The following TCEA1 variants were observed in gnomAD, a reference collection of about 807,000 sequenced individuals.
The protein encoded by TCEA1 is transcription elongation factor A protein 1.
In TCEA1, 21 loss-of-function variants were observed where a neutral mutation model predicts 43.8. The observed-to-expected ratio is 0.48, with a 90% CI of 0.34 to 0.69. The LOEUF (loss-of-function observed/expected upper bound fraction) is 0.69, where lower values mean the gene tolerates loss of function less well. Among genes scored for constraint, TCEA1 ranks in the 30% least tolerant of loss-of-function variants. The probability of loss-of-function intolerance (pLI) is 0.01; values close to 1 mark genes in which losing one functional copy is unlikely to be tolerated. For missense variants in TCEA1, 250 were observed against 365.1 expected, an observed-to-expected ratio of 0.68 and a Z score of 2.57; for synonymous variants, 104 against 117.5, an observed-to-expected ratio of 0.88 and a Z score of 0.75.
chr8:53,975,398 A>G (rs1803299854), intron 8 of TCEA1, among the ~76,000 whole-genome samples: 1 of 152,210 alleles, frequency 6.6e-6, no homozygotes, highest in Non-Finnish European at 1.5e-5. Flanking sequence ...TGGGTACATA[A>G]CCAAAAGAAA....
intron 5 of TCEA1, 115 bp downstream of exon 5, chr8:53,987,999 G>T: frequency 7.8e-7 from 1 of 1,282,190 alleles, no homozygotes; most frequent in Non-Finnish European, 1.0e-6. Flanking sequence ...AAGCTAAGCA[G>T]CAGTGGGTGG....
At chr8:53,996,673 T>C (rs968880587) in intron 3 of TCEA1, among the ~76,000 whole-genome samples, 5 of 151,110 alleles carry the variant, frequency 3.3e-5, no homozygotes, top group Non-Finnish European at 1.5e-5. Flanking sequence ...GTCAACTGAA[T>C]AAATCATTCT....
intron 4 of TCEA1, among the ~76,000 whole-genome samples, chr8:53,988,788 T>C (rs12674671): frequency 0.38 from 58,177 of 152,010 alleles, 15,884 homozygotes; most frequent in East Asian, 0.74. Context: ...TCTGTTTCAC[T>C]GGGCATGGTG....
intron 2 of TCEA1, among the ~76,000 whole-genome samples, chr8:54,003,892 T>C (rs550889831): frequency 2.6e-5 from 4 of 151,808 alleles, no homozygotes; most frequent in Non-Finnish European, 5.9e-5. Flanking sequence ...CTATGTCTGA[T>C]AAGCGACTTG....
intron 1 of TCEA1, among the ~76,000 whole-genome samples, chr8:54,016,601 G>A (rs891945095): frequency 1.1e-4 from 17 of 152,192 alleles, no homozygotes; most frequent in Non-Finnish European, 2.1e-4. Flanking sequence ...CACTTTGGGA[G>A]GCTGAAGCGG....
intron 7 of TCEA1, among the ~76,000 whole-genome samples, chr8:53,983,745 A>G (rs563918393): frequency 6.6e-6 from 1 of 152,246 alleles, no homozygotes; most frequent in Non-Finnish European, 1.5e-5. Context: ...AGCACTTACA[A>G]AGTGTACTTG....
Position 53,990,396 on chromosome 8 carries a change from G to A in TCEA1, c.321-2137C>T, listed in dbSNP as rs1254961312. The stretch of plus-strand genomic sequence containing the variant: ...TTTTTTTCTTTTGAGACAGTCTTAC[G>A]CTGTCACCCAGACTGGAGTGCAGTG... On this transcript the variant is annotated intron_variant, in intron 4 of 9. Coordinates refer to ENST00000521604, the MANE Select transcript of TCEA1 (RefSeq NM_006756.4). Among the ~76,000 whole-genome samples the A allele has an allele frequency of 3.5e-5, 5 of 142,910 alleles. No homozygotes were observed. In the East Asian group the frequency reaches 1.0e-3, roughly 29 times the overall value. 93.8% of individuals were successfully genotyped at this position (142,910 alleles called of 152,430 possible).
At chr8:54,002,474 A>C (rs1804302242) in intron 2 of TCEA1, among the ~76,000 whole-genome samples, 1 of 151,990 alleles carries the variant, frequency 6.6e-6, no homozygotes, top group Non-Finnish European at 1.5e-5. Flanking sequence ...GTCTCAAAAA[A>C]AAAAAGAAAA....
intron 7 of TCEA1, 105 bp downstream of exon 7, chr8:53,984,258 T>C (rs541510879): frequency 2.9e-5 from 32 of 1,104,262 alleles, no homozygotes; most frequent in Admixed American, 6.9e-5. Flanking sequence ...ATAACGGAAA[T>C]TTATTACATA....
intron 8 of TCEA1, chr8:53,973,412 G>A: frequency 2.0e-6 from 1 of 503,184 alleles, no homozygotes; most frequent in East Asian, 4.8e-5. Context: ...TTGCTAAAGA[G>A]GCCAGTGAAA....
In TCEA1 at chr8:53,972,720, G is replaced by GA. The variant is rs1413936520; in HGVS notation, c.826-2258dup. 110 of 678,396 alleles carry GA rather than the reference G, an allele frequency of 1.6e-4. 1 individual carries two copies. The East Asian group carries it at 3.1e-3, about 19-fold the overall frequency. The allele number at this position is 678,396 out of a possible 1,614,324, so 42.0% of individuals were successfully genotyped here. A position where few individuals can be genotyped will look rare whatever the true frequency, so the allele number is the denominator to read the frequency against. On this transcript the variant is annotated intron_variant, in intron 8 of 9. Coordinates refer to ENST00000521604, the MANE Select transcript of TCEA1 (RefSeq NM_006756.4). ...CCCAAAAAAGGACTGGACCTCTAGA[G>GA]AAAAACTGAGAGGTTATCAACTCAA...
chr8:53,997,237 T>C (rs1248031216), intron 3 of TCEA1, among the ~76,000 whole-genome samples: 4 of 152,090 alleles, frequency 2.6e-5, no homozygotes, highest in Non-Finnish European at 5.9e-5. Context: ...AGAATGATGA[T>C]TTTATAAGTA....
chr8:53,974,448 TA>T (rs975965265), intron 8 of TCEA1, among the ~76,000 whole-genome samples: 2 of 143,786 alleles, frequency 1.4e-5, no homozygotes, highest in Non-Finnish European at 3.0e-5. Flanking sequence ...GTAGGGTTTA[TA>T]AAATGTTTAT....
Position 53,967,382 on chromosome 8 carries a change from T to C in TCEA1, c.*722A>G, listed in dbSNP as rs1803017046. 1 of 199,942 alleles carries C rather than the reference T, an allele frequency of 5.0e-6. No individual in the cohort carries two copies. The highest frequency in any genetic ancestry group is 1.9e-4 in the South Asian group (1 of 5,260). 12.4% of individuals were successfully genotyped at this position (199,942 alleles called of 1,614,324 possible). A position where few individuals can be genotyped will look rare whatever the true frequency, so the allele number is the denominator to read the frequency against. Reference sequence around the variant, plus strand: ...CTACAACAGTGTTCTTCTGCAAAACTAAAACACATTATAAAGTCAAACAGG... The same window carrying C: ...CTACAACAGTGTTCTTCTGCAAAACCAAAACACATTATAAAGTCAAACAGG... On this transcript the variant is annotated 3_prime_UTR_variant, in exon 10 of 10. Coordinates refer to ENST00000521604, the MANE Select transcript of TCEA1 (RefSeq NM_006756.4).
At chr8:54,018,424 C>T (rs1413993535) in intron 1 of TCEA1, among the ~76,000 whole-genome samples, 1 of 152,164 alleles carries the variant, frequency 6.6e-6, no homozygotes, top group Non-Finnish European at 1.5e-5. Flanking sequence ...ATCCTTTAGG[C>T]CCACAATCCT....
intron 7 of TCEA1, among the ~76,000 whole-genome samples, chr8:53,979,814 T>C (rs1011158189): frequency 6.6e-6 from 1 of 152,290 alleles, no homozygotes; most frequent in Non-Finnish European, 1.5e-5. Context: ...TTTTTTGAGA[T>C]GTTTTTCAGA....
At chr8:53,997,472 T>C (rs1291164470) in intron 3 of TCEA1, among the ~76,000 whole-genome samples, 1 of 152,198 alleles carries the variant, frequency 6.6e-6, no homozygotes, top group Non-Finnish European at 1.5e-5. Context: ...TCAAAATTAC[T>C]ATCAATCACT....
intron 6 of TCEA1, among the ~76,000 whole-genome samples, chr8:53,984,907 C>T: frequency 6.6e-6 from 1 of 151,698 alleles, no homozygotes. Flanking sequence ...CCTGAAATTT[C>T]TAAGCAATTC....
At chr8:53,984,542 G>A (rs1803625072) in intron 6 of TCEA1, 25 bp from the exon 7 acceptor site, 1 of 1,524,104 alleles carries the variant, frequency 6.6e-7, no homozygotes, top group East Asian at 2.3e-5. Flanking sequence ...AGGAAAAAAG[G>A]CAAAATTACA....
Sources: gnomAD v4.1 joint callset for allele counts (sites outside exome capture counted in the v4.1 genomes callset) on GRCh38, gnomAD v4.1.1 for gene constraint, MANE v1.5 for transcripts, NCBI Gene and HGNC (gene_info 2026-07-23, HGNC 2026-07-21) for gene names.